UST: variants seen among roughly 807,000 people sequenced by gnomAD.
UST encodes uronyl 2-sulfotransferase, also known as chondroitin sulfate 2-O-sulfotransferase.
A neutral mutation model predicts 45.6 loss-of-function variants in UST; 21 were observed. The observed-to-expected ratio is 0.46, with a 90% CI of 0.33 to 0.66. UST has a LOEUF of 0.66. Ranked by LOEUF, UST falls within the 30% of genes least tolerant of loss-of-function variation. The pLI is 0.02. For synonymous variants in UST, 215 were observed against 200.6 expected (o/e 1.07, Z -0.61); for missense variants, 463 against 512.4 (o/e 0.90, Z 0.93).
chr6:148,871,147 C>CTCTCTCTCTCTCTCTCTCT (rs1582866624), intron 1 of UST, among the ~76,000 whole-genome samples: 3 of 20,240 alleles, frequency 1.5e-4, no homozygotes, highest in East Asian at 1.4e-3. Context: ...TCTCTCTCTC[C>CTCTCTCTCTCTCTCTCTCT]CTCTCTCCCT....
At chr6:149,049,927 T>TCACA (rs1393383569) in intron 7 of UST, among the ~76,000 whole-genome samples, 148 of 130,610 alleles carry the variant, frequency 1.1e-3, no homozygotes, top group African/African-American at 4.4e-3. Context: ...TCTCTCTCTC[T>TCACA]CTCTCACACA....
rs150390376 is a variant in UST, at chr6:148,858,770, A to G, written c.248-28216A>G. 8.2e-3 allele frequency among the ~76,000 whole-genome samples: 1,252 copies of G among 152,232 alleles called. 6 individuals carry two copies. The highest frequency in any genetic ancestry group is 0.017 in the Middle Eastern group (5 of 294). On this transcript the variant is annotated intron_variant, in intron 1 of 7. Coordinates refer to ENST00000367463, the MANE Select transcript of UST (RefSeq NM_005715.3). ...GTGTTTGGTTTTCTGTCCTTGCAAC[A>G]GTTTGCTCAGAATGATCGTTTCCAG... is the stretch of plus-strand genomic sequence containing the variant.
At chr6:148,953,790 AAG>A (rs1271857670) in intron 3 of UST, 80 bp from the exon 4 acceptor site, 5 of 774,662 alleles carry the variant, frequency 6.5e-6, no homozygotes, top group African/African-American at 3.7e-5. Context: ...AAAAAAAAAA[AAG>A]AGTGGGATAC....
At chr6:148,925,290 G>A (rs1307249441) in intron 2 of UST, among the ~76,000 whole-genome samples, 2 of 152,186 alleles carry the variant, frequency 1.3e-5, no homozygotes, top group Non-Finnish European at 2.9e-5. Context: ...AGATGTTTAA[G>A]GTGCTTCCAG....
At chr6:148,860,233 A>G (rs1477683537) in intron 1 of UST, among the ~76,000 whole-genome samples, 1 of 152,142 alleles carries the variant, frequency 6.6e-6, no homozygotes, top group Non-Finnish European at 1.5e-5. Context: ...TTGGATTCCT[A>G]GGTATTTTAT....
intron 1 of UST, among the ~76,000 whole-genome samples, chr6:148,828,844 T>G (rs1467913358): frequency 6.6e-6 from 1 of 152,216 alleles, no homozygotes; most frequent in Admixed American, 6.5e-5. Flanking sequence ...TCAGAAACAA[T>G]TTAATGTTAC....
chr6:149,003,893 G>T (rs961252815), intron 5 of UST, among the ~76,000 whole-genome samples: 2 of 152,146 alleles, frequency 1.3e-5, no homozygotes, highest in South Asian at 2.1e-4. Context: ...TAATAGACGT[G>T]CAGGGCCTCT....
At chr6:148,979,708 G>C (rs1781092227) in intron 5 of UST, among the ~76,000 whole-genome samples, 1 of 152,194 alleles carries the variant, frequency 6.6e-6, no homozygotes, top group Admixed American at 6.5e-5. Flanking sequence ...TCAAAGTGAT[G>C]ACACTGTTCT....
intron 1 of UST, among the ~76,000 whole-genome samples, chr6:148,778,949 A>C (rs1285376632): frequency 2.6e-5 from 4 of 151,770 alleles, no homozygotes; most frequent in Non-Finnish European, 5.9e-5. Context: ...TTCCATCCTC[A>C]TGGTGGTCAC....
In UST at chr6:149,059,787, T is replaced by A. The variant is rs545696826; in HGVS notation, c.938-14046T>A. Among the ~76,000 whole-genome samples, 6 of 152,108 alleles carry A rather than the reference T, an allele frequency of 3.9e-5. No individual in the cohort carries two copies. In the South Asian group the frequency reaches 1.2e-3, roughly 32 times the overall value. On this transcript the variant is annotated intron_variant, in intron 7 of 7. Transcript: ENST00000367463. The stretch of plus-strand genomic sequence containing the variant: ...TGAGCATAAGTAGTGTGGAGTTGAA[T>A]CCCCCAGGCAATAACCTAGAAGCCC...
intron 7 of UST, among the ~76,000 whole-genome samples, chr6:149,022,335 C>T (rs768054804): frequency 6.6e-6 from 1 of 152,182 alleles, no homozygotes; most frequent in Non-Finnish European, 1.5e-5. Context: ...TGCGGTGGCT[C>T]ATGCCTATAA....
intron 5 of UST, among the ~76,000 whole-genome samples, chr6:149,001,072 C>CT (rs71554430): frequency 0.38 from 52,261 of 136,328 alleles, 10,530 homozygotes; most frequent in Non-Finnish European, 0.46. Context: ...GGAGATGATT[C>CT]TTTTTTTTTT....
chr6:148,918,535 C>G (rs539082650), intron 2 of UST, among the ~76,000 whole-genome samples: 1 of 152,152 alleles, frequency 6.6e-6, no homozygotes, highest in Non-Finnish European at 1.5e-5. Flanking sequence ...GGGCCATCAT[C>G]TTTAGATTTT....
intron 2 of UST, among the ~76,000 whole-genome samples, chr6:148,906,018 A>C (rs1200669969): frequency 6.7e-6 from 1 of 150,292 alleles, no homozygotes; most frequent in Non-Finnish European, 1.5e-5. Context: ...GATATGTACT[A>C]ATTATGTGTA....
At chr6:148,926,810 C>T (rs1283163944) in intron 2 of UST, among the ~76,000 whole-genome samples, 1 of 152,042 alleles carries the variant, frequency 6.6e-6, no homozygotes, top group Non-Finnish European at 1.5e-5. Flanking sequence ...TTTAGCTGGG[C>T]ATATTGTTAC....
chr6:148,787,847 T>G (rs767657242), intron 1 of UST, among the ~76,000 whole-genome samples: 1 of 152,312 alleles, frequency 6.6e-6, no homozygotes, highest in Non-Finnish European at 1.5e-5. Context: ...ACAGTGCTAT[T>G]AAAAAATTGT....
intron 5 of UST, 92 bp downstream of exon 5, chr6:148,964,655 T>G: frequency 6.6e-7 from 1 of 1,522,512 alleles, no homozygotes; most frequent in Non-Finnish European, 8.9e-7. Flanking sequence ...TCCCAGGCCT[T>G]CTCCTTGGCG....
intron 1 of UST, among the ~76,000 whole-genome samples, chr6:148,826,903 C>G (rs1340394854): frequency 2.0e-5 from 3 of 152,192 alleles, no homozygotes; most frequent in Non-Finnish European, 2.9e-5. Flanking sequence ...CTCCCATCAT[C>G]ACAGCTCAGT....
intron 1 of UST, among the ~76,000 whole-genome samples, chr6:148,810,996 T>G (rs989732660): frequency 6.6e-6 from 1 of 152,232 alleles, no homozygotes; most frequent in African/African-American, 2.4e-5. Context: ...TCAAGTTTTA[T>G]GAAAGGTACA....
Sources: allele counts gnomAD v4.1 joint callset (sites outside exome capture counted in the v4.1 genomes callset), GRCh38; gene constraint gnomAD v4.1.1; transcripts MANE v1.5; gene names NCBI Gene and HGNC (gene_info 2026-07-23, HGNC 2026-07-21).